The following NRXN3 variants were observed in gnomAD, a reference collection of about 807,000 sequenced individuals.
NRXN3 encodes the protein neurexin 3.
NRXN3 carries 32 observed loss-of-function variants against 137.6 expected under a neutral mutation model. The observed-to-expected ratio is 0.23, with a 90% CI of 0.18 to 0.31. NRXN3 has a LOEUF of 0.31. NRXN3 is among the 10% of genes least tolerant of loss of function. The pLI is 1.00. For missense variants in NRXN3, 1,574 were observed against 2,062.5 expected (o/e 0.76, Z 4.59); for synonymous variants, 798 against 784.5 (o/e 1.02, Z -0.29).
intron 11 of NRXN3, 22 bp downstream of exon 11, chr14:78,957,383 T>A: frequency 6.3e-7 from 1 of 1,591,518 alleles, no homozygotes; most frequent in Non-Finnish European, 8.5e-7. Flanking sequence ...TATGGTGAAA[T>A]TCGTCTGTCT....
At chr14:78,793,439 C>G (rs1232167928) in intron 8 of NRXN3, among the ~76,000 whole-genome samples, 1 of 151,938 alleles carries the variant, frequency 6.6e-6, no homozygotes, top group African/African-American at 2.4e-5. Context: ...CTCATAGGAC[C>G]CAGAAATGAG....
chr14:79,443,714 A>C (rs1036896423), intron 15 of NRXN3, among the ~76,000 whole-genome samples: 1 of 152,204 alleles, frequency 6.6e-6, no homozygotes, highest in Non-Finnish European at 1.5e-5. Context: ...TGGGGCAAGA[A>C]GGGTCCTGTC....
intron 16 of NRXN3, among the ~76,000 whole-genome samples, chr14:79,591,064 C>T (rs938567855): frequency 5.3e-5 from 8 of 152,064 alleles, no homozygotes; most frequent in Admixed American, 2.0e-4. Flanking sequence ...CAAAGGACAC[C>T]GAGCTAGTAT....
intron 16 of NRXN3, among the ~76,000 whole-genome samples, chr14:79,513,262 G>A (rs1265253156): frequency 6.6e-6 from 1 of 152,036 alleles, no homozygotes; most frequent in African/African-American, 2.4e-5. Context: ...AATGGCTGAT[G>A]GAGTAGGTGT....
intron 1 of NRXN3, among the ~76,000 whole-genome samples, chr14:78,196,043 T>C (rs1460890677): frequency 6.6e-6 from 1 of 152,174 alleles, no homozygotes; most frequent in Non-Finnish European, 1.5e-5. Flanking sequence ...CACCACAACA[T>C]AGGATGATAG....
chr14:78,795,587 A>ACTTG (rs3034378), intron 8 of NRXN3, among the ~76,000 whole-genome samples: 3 of 151,848 alleles, frequency 2.0e-5, no homozygotes, highest in Non-Finnish European at 4.4e-5. Context: ...AAAATTAATT[A>ACTTG]TATCCTCTAG....
chr14:79,855,699 A>T (rs1027558891), intron 20 of NRXN3, among the ~76,000 whole-genome samples: 6 of 152,162 alleles, frequency 3.9e-5, no homozygotes, highest in Non-Finnish European at 8.8e-5. Context: ...GAAGAAAGTG[A>T]TTATGTAAGT....
chr14:78,482,605 T>C (rs1385956667), intron 4 of NRXN3, among the ~76,000 whole-genome samples: 1 of 152,226 alleles, frequency 6.6e-6, no homozygotes, highest in Non-Finnish European at 1.5e-5. Context: ...CTTTAGTACT[T>C]GTCTCATGTA....
intron 15 of NRXN3, among the ~76,000 whole-genome samples, chr14:79,400,026 G>GTGCTCCTGTCTT (rs2095146690): frequency 1.3e-5 from 2 of 152,198 alleles, no homozygotes; most frequent in Non-Finnish European, 2.9e-5. Flanking sequence ...GCACCTGTGT[G>GTGCTCCTGTCTT]TGCTCCTGTC....
At chr14:78,792,257 CAAAAAAAAAAAAAAAAA>C (rs140968788) in intron 8 of NRXN3, among the ~76,000 whole-genome samples, 1 of 19,460 alleles carries the variant, frequency 5.1e-5, no homozygotes, top group Non-Finnish European at 7.7e-5. Context: ...AGACTAAAGG[CAAAAAAAAAAAAAAAAA>C]AAAAAAAAAG....
At chr14:78,469,753 A>G (rs2095219764) in intron 4 of NRXN3, among the ~76,000 whole-genome samples, 1 of 152,212 alleles carries the variant, frequency 6.6e-6, no homozygotes. Context: ...CTGTTGTCCC[A>G]TTCAAACCGA....
chr14:78,461,627 A>C (rs2052203), intron 4 of NRXN3, among the ~76,000 whole-genome samples: 151,764 of 152,286 alleles, frequency 1, 75,625 homozygotes, highest in Middle Eastern at 1. Context: ...AGTCAGAGAA[A>C]AGAGCCCTGA....
At chr14:79,852,234 AACACAC>A (rs45581833) in intron 20 of NRXN3, among the ~76,000 whole-genome samples, 1,522 of 128,250 alleles carry the variant, frequency 0.012, 23 homozygotes, top group South Asian at 0.036. Flanking sequence ...TTCAACTCCC[AACACAC>A]ACACACACAC....
chr14:79,090,171 T>C (rs1438706181), intron 15 of NRXN3, among the ~76,000 whole-genome samples: 1 of 152,180 alleles, frequency 6.6e-6, no homozygotes, highest in Non-Finnish European at 1.5e-5. Context: ...GGCTTGTCTT[T>C]CCTGGTTCTA....
chr14:79,388,751 G>T (rs539394824), intron 15 of NRXN3, among the ~76,000 whole-genome samples: 56 of 152,258 alleles, frequency 3.7e-4, no homozygotes, highest in African/African-American at 1.3e-3. Flanking sequence ...TTGGCGGTGA[G>T]ATGGTTTGCC....
chr14:79,186,210 G>A (rs2063523079), intron 15 of NRXN3, among the ~76,000 whole-genome samples: 1 of 151,068 alleles, frequency 6.6e-6, no homozygotes, highest in Admixed American at 6.6e-5. Flanking sequence ...ACATGAAATA[G>A]AATTGCATCC....
chr14:79,148,265 G>A (rs1196315652), intron 15 of NRXN3, among the ~76,000 whole-genome samples: 1 of 152,112 alleles, frequency 6.6e-6, no homozygotes, highest in Non-Finnish European at 1.5e-5. Flanking sequence ...AGAGATGAGA[G>A]TTAAACAGTG....
intron 15 of NRXN3, among the ~76,000 whole-genome samples, chr14:79,441,473 G>A (rs951440031): frequency 7.2e-6 from 1 of 138,142 alleles, no homozygotes; most frequent in Non-Finnish European, 1.5e-5. Flanking sequence ...TCCGCCTCCC[G>A]GGTTCACGCC....
At chr14:79,041,779 G>A (rs559799597) in intron 15 of NRXN3, among the ~76,000 whole-genome samples, 7 of 152,110 alleles carry the variant, frequency 4.6e-5, no homozygotes, top group African/African-American at 7.2e-5. Flanking sequence ...CAATGCAAAG[G>A]TGCTACCATA....
Sources: gnomAD v4.1 joint callset for allele counts (sites outside exome capture counted in the v4.1 genomes callset) on GRCh38, gnomAD v4.1.1 for gene constraint, MANE v1.5 for transcripts, NCBI Gene and HGNC (gene_info 2026-07-23, HGNC 2026-07-21) for gene names.